ADAMTS6: variants seen among roughly 807,000 people sequenced by gnomAD.
The protein encoded by ADAMTS6 is A disintegrin and metalloproteinase with thrombospondin motifs 6.
Under a neutral mutation model 144.3 loss-of-function variants are expected in ADAMTS6, and 23 were observed. The ratio of observed to expected loss-of-function variants is 0.16; its 90% CI spans 0.11 to 0.23. ADAMTS6 has a LOEUF of 0.23. Ranked by LOEUF, ADAMTS6 falls within the 10% of genes least tolerant of loss-of-function variation. The pLI is 1.00. For missense variants in ADAMTS6, 999 were observed against 1,379.6 expected, an observed-to-expected ratio of 0.72 and a Z score of 4.37; for synonymous variants, 444 against 457.5, an observed-to-expected ratio of 0.97 and a Z score of 0.38.
At chr5:65,426,917 T>C (rs1318221149) in intron 7 of ADAMTS6, among the ~76,000 whole-genome samples, 1 of 151,834 alleles carries the variant, frequency 6.6e-6, no homozygotes, top group East Asian at 1.9e-4. Flanking sequence ...GATAAACAGC[T>C]CTACACAAGA....
intron 9 of ADAMTS6, among the ~76,000 whole-genome samples, chr5:65,304,146 T>C (rs1038212763): frequency 6.6e-6 from 1 of 152,150 alleles, no homozygotes; most frequent in African/African-American, 2.4e-5. Flanking sequence ...CTCAAGGATT[T>C]AGGTTTTAGT....
At chr5:65,180,301 T>C (rs1015208086) in intron 22 of ADAMTS6, among the ~76,000 whole-genome samples, 14 of 152,230 alleles carry the variant, frequency 9.2e-5, no homozygotes, top group Admixed American at 7.2e-4. Context: ...AAAGGTTTCA[T>C]TAAGATGCAT....
intron 10 of ADAMTS6, among the ~76,000 whole-genome samples, chr5:65,292,480 A>T (rs925644414): frequency 6.6e-6 from 1 of 151,946 alleles, no homozygotes; most frequent in Non-Finnish European, 1.5e-5. Context: ...TTAGGACAGT[A>T]CAATTTTTCA....
At chr5:65,273,076 T>C (rs1762182490) in intron 12 of ADAMTS6, among the ~76,000 whole-genome samples, 1 of 152,222 alleles carries the variant, frequency 6.6e-6, no homozygotes, top group Non-Finnish European at 1.5e-5. Context: ...AAGATTGTTG[T>C]TGCATTACTT....
At chr5:65,301,764 A>G (rs992694508) in intron 9 of ADAMTS6, among the ~76,000 whole-genome samples, 1 of 152,102 alleles carries the variant, frequency 6.6e-6, no homozygotes, top group Non-Finnish European at 1.5e-5. Flanking sequence ...CATAAGTACA[A>G]TATAAAAAGA....
intron 9 of ADAMTS6, among the ~76,000 whole-genome samples, chr5:65,309,923 T>G (rs116482947): frequency 2.9e-3 from 448 of 152,132 alleles, no homozygotes; most frequent in Non-Finnish European, 4.6e-3. Context: ...CCTGGGCAAC[T>G]GATATGGTTT....
intron 21 of ADAMTS6, among the ~76,000 whole-genome samples, chr5:65,192,542 G>A (rs1201233320): frequency 6.6e-6 from 1 of 151,792 alleles, no homozygotes; most frequent in East Asian, 1.9e-4. Context: ...TTAAAACACG[G>A]CATGGTAAAA....
intron 15 of ADAMTS6, among the ~76,000 whole-genome samples, chr5:65,232,085 T>G (rs575953114): frequency 6.6e-6 from 1 of 152,252 alleles, no homozygotes; most frequent in East Asian, 1.9e-4. Flanking sequence ...CCCTCCAGCC[T>G]GGATGACTAA....
At chr5:65,398,788 G>GAAAGAAAGAAAGA (rs1163826981) in intron 7 of ADAMTS6, among the ~76,000 whole-genome samples, 711 of 20,376 alleles carry the variant, frequency 0.035, 20 homozygotes, top group Non-Finnish European at 0.045. Context: ...GAGCAAGAAA[G>GAAAGAAAGAAAGA]AAAGAAAGAA....
chr5:65,399,702 T>C (rs2150161587), intron 7 of ADAMTS6, among the ~76,000 whole-genome samples: 1 of 149,008 alleles, frequency 6.7e-6, no homozygotes, highest in South Asian at 2.1e-4. Context: ...CATTTATACA[T>C]GAGCATATAT....
chr5:65,359,941 T>C (rs571024515), intron 7 of ADAMTS6, among the ~76,000 whole-genome samples: 10 of 152,338 alleles, frequency 6.6e-5, no homozygotes, highest in South Asian at 2.1e-4. Flanking sequence ...ATGGTGACTA[T>C]AGCTGATAAT....
At chr5:65,407,582 T>C (rs1754655921) in intron 7 of ADAMTS6, among the ~76,000 whole-genome samples, 1 of 145,086 alleles carries the variant, frequency 6.9e-6, no homozygotes, top group African/African-American at 2.5e-5. Flanking sequence ...AGTGAGAACA[T>C]GCGGTGTTTG....
At chr5:65,380,902 CAT>C (rs758499498) in intron 7 of ADAMTS6, among the ~76,000 whole-genome samples, 11 of 152,080 alleles carry the variant, frequency 7.2e-5, no homozygotes, top group Non-Finnish European at 1.6e-4. Flanking sequence ...TGACTTATGA[CAT>C]ATAAAATTCT....
intron 21 of ADAMTS6, among the ~76,000 whole-genome samples, chr5:65,196,679 T>C (rs535698823): frequency 7.2e-5 from 11 of 152,028 alleles, no homozygotes; most frequent in Non-Finnish European, 1.5e-4. Flanking sequence ...TCAATTATTA[T>C]AGTAAGACAC....
At chr5:65,187,519 A>G (rs1049930485) in intron 22 of ADAMTS6, among the ~76,000 whole-genome samples, 1 of 152,218 alleles carries the variant, frequency 6.6e-6, no homozygotes, top group Non-Finnish European at 1.5e-5. Flanking sequence ...TAATGAATTG[A>G]TAACAATTCA....
At chr5:65,396,674 C>T (rs747850202) in intron 7 of ADAMTS6, among the ~76,000 whole-genome samples, 29 of 152,184 alleles carry the variant, frequency 1.9e-4, no homozygotes, top group African/African-American at 6.3e-4. Flanking sequence ...ATGGCTAGGA[C>T]GCTGTTTCAT....
At chr5:65,297,198 T>A (rs772976137) in intron 10 of ADAMTS6, 5 of 456,282 alleles carry the variant, frequency 1.1e-5, no homozygotes, top group South Asian at 7.7e-5. Flanking sequence ...CAGGACGGCT[T>A]CTGGGCGATT....
chr5:65,227,053 A>G (rs938538884), intron 15 of ADAMTS6, among the ~76,000 whole-genome samples: 1 of 152,228 alleles, frequency 6.6e-6, no homozygotes, highest in African/African-American at 2.4e-5. Context: ...AGCATATCAT[A>G]GTCTGTGAAC....
chr5:65,386,405 T>C (rs1029265754), intron 7 of ADAMTS6, among the ~76,000 whole-genome samples: 1 of 152,180 alleles, frequency 6.6e-6, no homozygotes, highest in Non-Finnish European at 1.5e-5. Context: ...GATACATTTG[T>C]TTGTGTCCTT....
Sources: allele counts gnomAD v4.1 joint callset (sites outside exome capture counted in the v4.1 genomes callset), GRCh38; gene constraint gnomAD v4.1.1; transcripts MANE v1.5; gene names NCBI Gene and HGNC (gene_info 2026-07-23, HGNC 2026-07-21).